The following CSMD1 variants were observed in gnomAD, a reference collection of about 807,000 sequenced individuals.
CSMD1 encodes CUB and Sushi multiple domains 1.
Under a neutral mutation model 417.5 loss-of-function variants are expected in CSMD1, and 213 were observed. That is an observed-to-expected ratio of 0.51 (90% confidence interval 0.46 to 0.57). The LOEUF is 0.57. Ranked by LOEUF, CSMD1 falls within the 20% of genes least tolerant of loss-of-function variation. The pLI is 0.00. For missense variants in CSMD1, 6,923 were observed against 4,529.7 expected (o/e 1.53, Z -15.17); for synonymous variants, 2,862 against 1,736.8 (o/e 1.65, Z -16.11).
intron 7 of CSMD1, among the ~76,000 whole-genome samples, chr8:3,677,932 A>G (rs1012764067): frequency 6.6e-6 from 1 of 152,152 alleles, no homozygotes; most frequent in African/African-American, 2.4e-5. Context: ...ATTAGACAAA[A>G]TAAGACAGGA....
chr8:3,336,846 T>C lies in CSMD1; in HGVS notation c.3631+6448A>G, dbSNP rs552856480. The stretch of plus-strand genomic sequence containing the variant: ...TGTCTAATTCATATAGCACCTGGCA[T>C]TGACCTTAATCTGTAGCATGTCTGA... On this transcript the variant is annotated intron_variant, in intron 23 of 69. Coordinates refer to ENST00000635120, the MANE Select transcript of CSMD1 (RefSeq NM_033225.6). 2.0e-4 allele frequency among the ~76,000 whole-genome samples: 31 copies of C among 152,236 alleles called. 1 individual carries two copies. Among genetic ancestry groups the C allele is most frequent in the Non-Finnish European group, 7.4e-5 (5 of 68,014 alleles).
intron 5 of CSMD1, among the ~76,000 whole-genome samples, chr8:3,794,671 A>T (rs78641247): frequency 0.026 from 4,021 of 152,084 alleles, 64 homozygotes; most frequent in African/African-American, 0.048. Context: ...TTTGGTATTT[A>T]TCCTACTGGA....
chr8:3,927,769 C>G (rs1367181029), intron 5 of CSMD1, among the ~76,000 whole-genome samples: 3 of 152,056 alleles, frequency 2.0e-5, no homozygotes, highest in Non-Finnish European at 2.9e-5. Context: ...AAGCAGAACA[C>G]TAAGAAAAAT....
chr8:4,866,339 A>C (rs973882989), intron 1 of CSMD1, among the ~76,000 whole-genome samples: 4 of 152,002 alleles, frequency 2.6e-5, no homozygotes, highest in African/African-American at 9.7e-5. Flanking sequence ...ATTTCTTTAC[A>C]AACTGACAAC....
chr8:4,969,744 C>G (rs1563899634), intron 1 of CSMD1, among the ~76,000 whole-genome samples: 1 of 151,964 alleles, frequency 6.6e-6, no homozygotes. Flanking sequence ...CACTATGCTC[C>G]ACTGTTTTGA....
chr8:4,696,572 G>A (rs1807147480), intron 1 of CSMD1, among the ~76,000 whole-genome samples: 1 of 152,254 alleles, frequency 6.6e-6, no homozygotes, highest in Non-Finnish European at 1.5e-5. Flanking sequence ...GAATGATATA[G>A]GAATAACAGT....
At chr8:4,093,406 G>C (rs943955367) in intron 3 of CSMD1, among the ~76,000 whole-genome samples, 1 of 152,108 alleles carries the variant, frequency 6.6e-6, no homozygotes. Context: ...ATTGTTTAAA[G>C]CCAACAGAGG....
chr8:4,706,809 G>C (rs1353845277), intron 1 of CSMD1, among the ~76,000 whole-genome samples: 6 of 152,212 alleles, frequency 3.9e-5, no homozygotes, highest in Admixed American at 3.3e-4. Flanking sequence ...TGCTTGACTT[G>C]TGTCAGATAA....
At position 3,957,340 on chromosome 8, in the gene CSMD1, A is replaced by T. The variant is rs558967258; in HGVS notation, c.818+40563T>A. Among the ~76,000 whole-genome samples the T allele has an allele frequency of 2.0e-5, 3 of 152,272 alleles. No homozygotes were observed. In the South Asian group the frequency reaches 6.2e-4, roughly 32 times the overall value. Reference sequence around the variant, plus strand: ...TTCTTTCATTCAACAAATATTTATGAGTGTGTTCTACGTGCTAGGCACCAA... The same window carrying T: ...TTCTTTCATTCAACAAATATTTATGTGTGTGTTCTACGTGCTAGGCACCAA... On this transcript the variant is annotated intron_variant, in intron 5 of 69. Coordinates refer to ENST00000635120, the MANE Select transcript of CSMD1 (RefSeq NM_033225.6).
chr8:4,801,865 T>C (rs1034420273), intron 1 of CSMD1, among the ~76,000 whole-genome samples: 27 of 152,314 alleles, frequency 1.8e-4, no homozygotes, highest in African/African-American at 6.3e-4. Context: ...TACTGAGACT[T>C]GGCAAGCCCA....
At chr8:3,441,116 G>T (rs1197561893) in intron 12 of CSMD1, among the ~76,000 whole-genome samples, 2 of 152,130 alleles carry the variant, frequency 1.3e-5, no homozygotes, top group Non-Finnish European at 2.9e-5. Flanking sequence ...AGAGGTAGGA[G>T]TTCCAGCGGT....
chr8:3,919,573 C>T (rs1809083551), intron 5 of CSMD1, among the ~76,000 whole-genome samples: 1 of 152,060 alleles, frequency 6.6e-6, no homozygotes, highest in African/African-American at 2.4e-5. Context: ...CATGTGATGC[C>T]TTCAGCTGTG....
intron 12 of CSMD1, among the ~76,000 whole-genome samples, chr8:3,410,521 G>C (rs188179389): frequency 2.7e-4 from 41 of 152,266 alleles, no homozygotes; most frequent in African/African-American, 9.9e-4. Context: ...CTAAGGGGGA[G>C]TTGCCCTGCA....
intron 5 of CSMD1, among the ~76,000 whole-genome samples, chr8:3,949,386 T>C (rs1049915905): frequency 1.3e-5 from 2 of 152,152 alleles, no homozygotes; most frequent in African/African-American, 4.8e-5. Context: ...AACAACCACT[T>C]TACTTCTCAG....
At chr8:4,583,827 C>T (rs907824681) in intron 2 of CSMD1, among the ~76,000 whole-genome samples, 1 of 151,904 alleles carries the variant, frequency 6.6e-6, no homozygotes, top group Admixed American at 6.6e-5. Context: ...CAGTGGCAAC[C>T]CACTCGTGTC....
chr8:3,926,329 C>A (rs1809724818), intron 5 of CSMD1, among the ~76,000 whole-genome samples: 3 of 152,084 alleles, frequency 2.0e-5, no homozygotes, highest in Non-Finnish European at 4.4e-5. Flanking sequence ...ATCTATTACA[C>A]ACTATTTATT....
At chr8:3,744,261 T>C (rs1253281269) in intron 6 of CSMD1, among the ~76,000 whole-genome samples, 2 of 152,102 alleles carry the variant, frequency 1.3e-5, no homozygotes, top group Non-Finnish European at 2.9e-5. Context: ...AAGTTTGGAA[T>C]ACGGATCAAA....
At chr8:4,618,102 G>T (rs549118456) in intron 2 of CSMD1, among the ~76,000 whole-genome samples, 2 of 152,076 alleles carry the variant, frequency 1.3e-5, no homozygotes, top group African/African-American at 2.4e-5. Context: ...ATCTGCCGAG[G>T]TGCCAAATGT....
At chr8:4,515,395 C>A (rs183641269) in intron 2 of CSMD1, among the ~76,000 whole-genome samples, 1 of 152,168 alleles carries the variant, frequency 6.6e-6, no homozygotes, top group East Asian at 1.9e-4. Context: ...TTATGGGACC[C>A]ATGAAGAGGC....
Sources: gnomAD v4.1 joint callset for allele counts (sites outside exome capture counted in the v4.1 genomes callset) on GRCh38, gnomAD v4.1.1 for gene constraint, MANE v1.5 for transcripts, NCBI Gene and HGNC (gene_info 2026-07-23, HGNC 2026-07-21) for gene names.